The following GRID2 variants were observed in gnomAD, a reference collection of about 807,000 sequenced individuals.
GRID2 encodes the protein glutamate ionotropic receptor delta type subunit 2, also known as glutamate receptor ionotropic, delta-2.
A neutral mutation model predicts 114.8 loss-of-function variants in GRID2; 33 were observed. The ratio of observed to expected loss-of-function variants is 0.29; its 90% CI spans 0.22 to 0.38. GRID2 has a LOEUF of 0.38. GRID2 is among the 10% of genes least tolerant of loss of function. The pLI is 1.00. For missense variants in GRID2, 1,184 were observed against 1,257.7 expected (o/e 0.94, Z 0.89); for synonymous variants, 505 against 449.9 (o/e 1.12, Z -1.55).
intron 2 of GRID2, among the ~76,000 whole-genome samples, chr4:92,903,867 T>C (rs960329999): frequency 6.6e-6 from 1 of 151,918 alleles, no homozygotes; most frequent in African/African-American, 2.4e-5. Flanking sequence ...ATAGTATAAA[T>C]TGGAGGCAAT....
At chr4:93,733,434 G>C (rs1364077738) in intron 14 of GRID2, among the ~76,000 whole-genome samples, 2 of 152,080 alleles carry the variant, frequency 1.3e-5, no homozygotes, top group Non-Finnish European at 2.9e-5. Flanking sequence ...TTTTCTCCAA[G>C]TGCCTGCTTC....
chr4:92,548,331 T>C (rs1480541221), intron 1 of GRID2, among the ~76,000 whole-genome samples: 1 of 151,584 alleles, frequency 6.6e-6, no homozygotes, highest in Non-Finnish European at 1.5e-5. Context: ...TAACCCAGTT[T>C]GGTAATCCAG....
intron 2 of GRID2, among the ~76,000 whole-genome samples, chr4:92,915,908 G>A (rs1748753790): frequency 6.6e-6 from 1 of 151,914 alleles, no homozygotes; most frequent in Admixed American, 6.6e-5. Context: ...ATTTTTAATG[G>A]GGTTATTTGT....
At chr4:93,584,802 T>G (rs1373116153) in intron 13 of GRID2, among the ~76,000 whole-genome samples, 3 of 152,080 alleles carry the variant, frequency 2.0e-5, no homozygotes, top group Admixed American at 1.3e-4. Flanking sequence ...CCTTTACAGA[T>G]TTTTTTAAGA....
intron 2 of GRID2, among the ~76,000 whole-genome samples, chr4:92,984,854 A>C (rs1171474522): frequency 6.6e-6 from 1 of 151,826 alleles, no homozygotes; most frequent in Non-Finnish European, 1.5e-5. Flanking sequence ...TATTAGCTTT[A>C]AAATTAAATT....
At chr4:93,288,953 T>C (rs1753458110) in intron 8 of GRID2, among the ~76,000 whole-genome samples, 1 of 152,250 alleles carries the variant, frequency 6.6e-6, no homozygotes, top group Non-Finnish European at 1.5e-5. Flanking sequence ...TCTAAATTTT[T>C]TCCTGCAATT....
intron 4 of GRID2, among the ~76,000 whole-genome samples, chr4:93,115,177 C>A (rs79243278): frequency 0.057 from 8,601 of 150,776 alleles, 402 homozygotes; most frequent in East Asian, 0.19. Flanking sequence ...TTTAAAATTA[C>A]AAAACAAGAG....
intron 13 of GRID2, among the ~76,000 whole-genome samples, chr4:93,581,931 T>C (rs1395237329): frequency 6.6e-6 from 1 of 152,222 alleles, no homozygotes; most frequent in Non-Finnish European, 1.5e-5. Context: ...ATGTCAACTC[T>C]TAAAAACATA....
intron 2 of GRID2, among the ~76,000 whole-genome samples, chr4:92,995,875 T>G (rs1360656295): frequency 6.6e-6 from 1 of 152,190 alleles, no homozygotes; most frequent in Admixed American, 6.5e-5. Context: ...GATTTCTTGG[T>G]TTTGGAAGAC....
chr4:93,465,608 C>T (rs923982109), intron 11 of GRID2, among the ~76,000 whole-genome samples: 22 of 152,118 alleles, frequency 1.4e-4, no homozygotes, highest in African/African-American at 5.3e-4. Flanking sequence ...ATTCATGACA[C>T]AAAGTCGGCA....
At chr4:93,314,172 G>C (rs1292447261) in intron 8 of GRID2, among the ~76,000 whole-genome samples, 1 of 151,810 alleles carries the variant, frequency 6.6e-6, no homozygotes, top group Non-Finnish European at 1.5e-5. Flanking sequence ...AGGCATGATG[G>C]CATGTGCCTG....
chr4:92,400,813 A>G (rs2110280388), intron 1 of GRID2, among the ~76,000 whole-genome samples: 1 of 152,248 alleles, frequency 6.6e-6, no homozygotes, highest in Non-Finnish European at 1.5e-5. Flanking sequence ...TGTGGTGTCC[A>G]ATTGAAGTTT....
At chr4:93,704,616 C>G (rs1727830149) in intron 14 of GRID2, among the ~76,000 whole-genome samples, 1 of 152,170 alleles carries the variant, frequency 6.6e-6, no homozygotes, top group Non-Finnish European at 1.5e-5. Flanking sequence ...CACCACTACC[C>G]TCCCCAGCCT....
intron 1 of GRID2, among the ~76,000 whole-genome samples, chr4:92,384,068 T>C (rs527494999): frequency 1.1e-3 from 165 of 151,810 alleles, no homozygotes; most frequent in African/African-American, 3.8e-3. Flanking sequence ...TGGCTGACAA[T>C]GTGTGAGTGA....
intron 8 of GRID2, 114 bp from the exon 9 acceptor site, chr4:93,395,493 T>A: frequency 1.7e-6 from 1 of 575,988 alleles, no homozygotes; most frequent in South Asian, 2.5e-5. Flanking sequence ...TGTGCAGTAC[T>A]CTTTCCATAC....
intron 8 of GRID2, among the ~76,000 whole-genome samples, chr4:93,376,384 A>G (rs1288489394): frequency 6.6e-6 from 1 of 152,152 alleles, no homozygotes; most frequent in East Asian, 1.9e-4. Context: ...AATGCAATCC[A>G]CAGAGCAAGA....
At chr4:92,752,441 G>T (rs994102753) in intron 2 of GRID2, among the ~76,000 whole-genome samples, 2 of 152,228 alleles carry the variant, frequency 1.3e-5, no homozygotes, top group South Asian at 2.1e-4. Context: ...CTAAACAAAG[G>T]TATGAATGGA....
At chr4:93,067,464 T>C (rs1728401835) in intron 2 of GRID2, among the ~76,000 whole-genome samples, 1 of 152,050 alleles carries the variant, frequency 6.6e-6, no homozygotes, top group South Asian at 2.1e-4. Context: ...CCATCAGGCC[T>C]CTATTATAAG....
At chr4:92,381,496 T>G (rs1294850165) in intron 1 of GRID2, among the ~76,000 whole-genome samples, 1 of 138,974 alleles carries the variant, frequency 7.2e-6, no homozygotes, top group Non-Finnish European at 1.6e-5. Flanking sequence ...TATGGTAATA[T>G]AAAAGAAGTG....
Sources: gnomAD v4.1 joint callset for allele counts (sites outside exome capture counted in the v4.1 genomes callset) on GRCh38, gnomAD v4.1.1 for gene constraint, MANE v1.5 for transcripts, NCBI Gene and HGNC (gene_info 2026-07-23, HGNC 2026-07-21) for gene names.